Variants in RFTN1 observed in about 807,000 individuals in gnomAD.
RFTN1 encodes raftlin.
A neutral mutation model predicts 46.5 loss-of-function variants in RFTN1; 26 were observed. The observed-to-expected ratio is 0.56, with a 90% CI of 0.41 to 0.78. RFTN1 has a LOEUF of 0.78. Ranked by LOEUF, RFTN1 falls within the 30% of genes least tolerant of loss-of-function variation. RFTN1 has a pLI of 0.00. For missense variants in RFTN1, 693 were observed against 718.7 expected (o/e 0.96, Z 0.41); for synonymous variants, 261 against 284.2 (o/e 0.92, Z 0.82).
rs2074005072 is a variant in RFTN1, at chr3:16,381,853, C to T, written c.442-3751G>A. ...ACATATGGCCTTGGATCCATGCCCG[C>T]AAAGGCTCTCAGTTCACCCTGCAGG... On this transcript the variant is annotated intron_variant, in intron 4 of 9. Coordinates refer to ENST00000334133, the MANE Select transcript of RFTN1 (RefSeq NM_015150.2). This position sits in a 1 kb window ranked among gnomAD's most constrained non-coding sequence, Gnocchi z 4.2. Among the ~76,000 whole-genome samples the T allele has an allele frequency of 6.6e-6, 1 of 152,122 alleles. No individual in the cohort carries two copies. The highest frequency in any genetic ancestry group is 2.4e-5 in the African/African-American group (1 of 41,422).
rs2073976493 is a variant in RFTN1 at position 16,381,073 on chromosome 3, C to T, written c.442-2971G>A. On this transcript the variant is annotated intron_variant, in intron 4 of 9. Coordinates refer to ENST00000334133, the MANE Select transcript of RFTN1 (RefSeq NM_015150.2). This position sits in a 1 kb window ranked among gnomAD's most constrained non-coding sequence, Gnocchi z 4.2. ...AGAAGATTTGACCAATTATTACGAACAGAGTTTAAAAATAATTACACTATC... is the reference window on the plus strand; with the variant it reads ...AGAAGATTTGACCAATTATTACGAATAGAGTTTAAAAATAATTACACTATC... Among the ~76,000 whole-genome samples the T allele has an allele frequency of 6.6e-6, 1 of 152,134 alleles. No individual in the cohort carries two copies. The highest frequency in any genetic ancestry group is 1.5e-5 in the Non-Finnish European group (1 of 68,034).
At chr3:16,503,557 C>T (rs1002238279) in intron 1 of RFTN1, among the ~76,000 whole-genome samples, 9 of 152,170 alleles carry the variant, frequency 5.9e-5, no homozygotes, top group African/African-American at 2.2e-4. Context: ...AGTCTTTTCC[C>T]ACTCCTAGCC....
Position 16,409,436 on chromosome 3 carries a change from T to G in RFTN1, c.380A>C (p.Asp127Ala). Residue 127 changes from aspartate to alanine, a missense_variant, in exon 4 of 10, where the codon GAT becomes GCT. Asp to Ala is a moderately radical substitution (Grantham distance 126). Transcript: ENST00000334133. Reference protein sequence around the residue: ...LHNEGYILELDCCSSLDHPTD... With the variant: ...LHNEGYILELACCSSLDHPTD... ...CGGGTGGTCTAAGGAGGAACAGCAATCTAATTCCAAGATGTAGCCTTCATT... is the reference window on the plus strand; with the variant it reads ...CGGGTGGTCTAAGGAGGAACAGCAAGCTAATTCCAAGATGTAGCCTTCATT... 3 of 1,613,836 alleles carry G rather than the reference T, an allele frequency of 1.9e-6. No homozygotes were observed.
intron 6 of RFTN1, among the ~76,000 whole-genome samples, chr3:16,365,431 T>C (rs1246039040): frequency 6.6e-6 from 1 of 152,220 alleles, no homozygotes; most frequent in Non-Finnish European, 1.5e-5. Flanking sequence ...GTATAAAATA[T>C]ATACCCCACA....
At position 16,483,290 on chromosome 3, in the gene RFTN1, T is replaced by C. The variant is rs539253647; in HGVS notation, c.145+10435A>G. ...CTCCTGTAATGCAAATAAGTACTCA[T>C]CCCCTCCAATTCTCTTCCTTCCTTT... On this transcript the variant is annotated intron_variant, in intron 2 of 9. Coordinates refer to ENST00000334133, the MANE Select transcript of RFTN1 (RefSeq NM_015150.2). The surrounding 1 kb of genome is among the most constrained non-coding windows in gnomAD (Gnocchi z 4.8). 3.3e-5 allele frequency among the ~76,000 whole-genome samples: 5 copies of C among 152,270 alleles called. No homozygotes were observed. Among genetic ancestry groups the C allele is most frequent in the African/African-American group, 1.2e-4 (5 of 41,544 alleles).
intron 7 of RFTN1, among the ~76,000 whole-genome samples, chr3:16,328,260 T>C (rs979985279): frequency 6.6e-6 from 1 of 152,190 alleles, no homozygotes; most frequent in Admixed American, 6.5e-5. Flanking sequence ...AAGGCAAAGC[T>C]GGGCCTAGAG....
rs922525690 is a variant in RFTN1 at position 16,498,836 on chromosome 3, T to C, written c.-8-4959A>G. Reference sequence around the variant, plus strand: ...CATTTCAAAAATGTCTATACCATGCTCAAAACAAGTCAGAAAAATCTAGCT... The same window carrying C: ...CATTTCAAAAATGTCTATACCATGCCCAAAACAAGTCAGAAAAATCTAGCT... On this transcript the variant is annotated intron_variant, in intron 1 of 9. Coordinates refer to ENST00000334133, the MANE Select transcript of RFTN1 (RefSeq NM_015150.2). This position sits in a 1 kb window ranked among gnomAD's most constrained non-coding sequence, Gnocchi z 5.2. Among the ~76,000 whole-genome samples the C allele has an allele frequency of 1.3e-5, 2 of 152,148 alleles. No individual in the cohort carries two copies. Among genetic ancestry groups the C allele is most frequent in the Non-Finnish European group, 2.9e-5 (2 of 68,030 alleles).
rs1165564472 is a variant in RFTN1 at position 16,407,134 on chromosome 3, C to A, written c.441+2241G>T. On this transcript the variant is annotated intron_variant, in intron 4 of 9. Transcript: ENST00000334133. The surrounding 1 kb of genome is among the most constrained non-coding windows in gnomAD (Gnocchi z 4.0). ...GGACCACTGCAATGGGTCAGCCATG[C>A]AATAACCTAATTTGGTTAAGACAAA... is the stretch of plus-strand genomic sequence containing the variant. Among the ~76,000 whole-genome samples, 1 of 152,134 alleles carries A rather than the reference C, an allele frequency of 6.6e-6. No individual in the cohort carries two copies. Among genetic ancestry groups the A allele is most frequent in the Non-Finnish European group, 1.5e-5 (1 of 68,022 alleles).
intron 2 of RFTN1, among the ~76,000 whole-genome samples, chr3:16,477,945 T>G (rs1482208807): frequency 6.6e-6 from 1 of 152,204 alleles, no homozygotes; most frequent in Non-Finnish European, 1.5e-5. Context: ...TAGAAAAACA[T>G]GCTAAGCATG....
chr3:16,414,087 A>G (rs1347389215), intron 3 of RFTN1, among the ~76,000 whole-genome samples: 1 of 152,168 alleles, frequency 6.6e-6, no homozygotes, highest in Admixed American at 6.5e-5. Flanking sequence ...TTTCCTTCCT[A>G]GCACTTTTCA....
intron 2 of RFTN1, among the ~76,000 whole-genome samples, chr3:16,444,025 G>A (rs912479346): frequency 5.3e-5 from 8 of 152,134 alleles, no homozygotes; most frequent in Non-Finnish European, 1.0e-4. Flanking sequence ...ACTAGATATG[G>A]AACCTGGAGT....
Position 16,317,344 on chromosome 3 carries a change from C to G in RFTN1, c.1333-112G>C. 1 of 1,093,980 alleles carries G rather than the reference C, an allele frequency of 9.1e-7. No homozygotes were observed. The highest frequency in any genetic ancestry group is 1.3e-6 in the Non-Finnish European group (1 of 761,270). 67.8% of individuals were successfully genotyped at this position (1,093,980 alleles called of 1,614,324 possible). On this transcript the variant is annotated intron_variant, in intron 9 of 9. Coordinates refer to ENST00000334133, the MANE Select transcript of RFTN1 (RefSeq NM_015150.2). This position sits in a 1 kb window ranked among gnomAD's most constrained non-coding sequence, Gnocchi z 4.3. ...CCATGTCTGAGTGAGACATACAATT[C>G]CCAGCATCCCCCAGCCAGGCAGTAC...
Position 16,400,203 on chromosome 3 carries a change from CCT to C in RFTN1, c.441+9170_441+9171del, listed in dbSNP as rs1294273136. Among the ~76,000 whole-genome samples the C allele has an allele frequency of 6.6e-6, 1 of 152,228 alleles. No homozygotes were observed. The highest frequency in any genetic ancestry group is 1.5e-5 in the Non-Finnish European group (1 of 68,044). On this transcript the variant is annotated intron_variant, in intron 4 of 9. Coordinates refer to ENST00000334133, the MANE Select transcript of RFTN1 (RefSeq NM_015150.2). The surrounding 1 kb of genome is among the most constrained non-coding windows in gnomAD (Gnocchi z 4.5). ...CCAGCCTCACTCCACCTCACTCACC[CCT>C]CTGTCATTTGCAGGCAAGACAGTGA...
Position 16,377,982 on chromosome 3 carries a change from T to C in RFTN1, c.562A>G (p.Arg188Gly). Residue 188 changes from arginine (R) to glycine (G), a missense_variant, in exon 5 of 10, where the codon AGA becomes GGA. Coordinates refer to ENST00000334133, the MANE Select transcript of RFTN1 (RefSeq NM_015150.2). The part of the protein sequence containing the change: ...VSTANSTEDA[R>G]DAKNARGDHA... ...TCCCCACGTGCGTTTTTTGCATCTC[T>C]GGCATCCTCGGTGCTGTTGGCAGTA... 4 of 1,614,252 alleles carry C rather than the reference T, an allele frequency of 2.5e-6. No individual in the cohort carries two copies. Among genetic ancestry groups the C allele is most frequent in the Admixed American group, 1.7e-5 (1 of 60,032 alleles).
chr3:16,433,036 A>C lies in RFTN1; in HGVS notation c.332+815T>G, dbSNP rs1187907658. Among the ~76,000 whole-genome samples the C allele has an allele frequency of 6.6e-6, 1 of 152,340 alleles. No homozygotes were observed. The highest frequency in any genetic ancestry group is 1.9e-4 in the East Asian group (1 of 5,194). On this transcript the variant is annotated intron_variant, in intron 3 of 9. Transcript: ENST00000334133. The surrounding 1 kb of genome is among the most constrained non-coding windows in gnomAD (Gnocchi z 4.4). ...GGAGCTGCTCTGTACTCCCTTTTTA[A>C]AATGTGGCACATGCTGTCATTCCTT...
At position 16,449,951 on chromosome 3, in the gene RFTN1, G is replaced by A. The variant is rs892698500; in HGVS notation, c.146-15914C>T. 6.6e-6 allele frequency among the ~76,000 whole-genome samples: 1 copy of A among 152,204 alleles called. No homozygotes were observed. The highest frequency in any genetic ancestry group is 2.4e-5 in the African/African-American group (1 of 41,438). On this transcript the variant is annotated intron_variant, in intron 2 of 9. Coordinates refer to ENST00000334133, the MANE Select transcript of RFTN1 (RefSeq NM_015150.2). This position sits in a 1 kb window ranked among gnomAD's most constrained non-coding sequence, Gnocchi z 5.1. ...TAGAAGTGACCAGGAAGCAGCAGGAGGAGGGCTGCAGGAGGCCCCAGGGAG... is the reference window on the plus strand; with the variant it reads ...TAGAAGTGACCAGGAAGCAGCAGGAAGAGGGCTGCAGGAGGCCCCAGGGAG...
chr3:16,445,350 C>A (rs866793643), intron 2 of RFTN1, among the ~76,000 whole-genome samples: 1 of 151,984 alleles, frequency 6.6e-6, no homozygotes, highest in African/African-American at 2.4e-5. Flanking sequence ...CTTTCTTTAT[C>A]CACACCGTCT....
chr3:16,316,625 G>T lies in RFTN1; in HGVS notation c.*203C>A, dbSNP rs1559793848. ...TGCATTCTAACACTGGGTCATTAAT[G>T]ACACCTTTCCAGTGGATGTGCAAAA... On this transcript the variant is annotated 3_prime_UTR_variant, in exon 10 of 10. Transcript: ENST00000334133. The surrounding 1 kb of genome is among the most constrained non-coding windows in gnomAD (Gnocchi z 4.5). The T allele has an allele frequency of 1.5e-6, 1 of 666,184 alleles. No homozygotes were observed. Among genetic ancestry groups the T allele is most frequent in the Non-Finnish European group, 2.7e-6 (1 of 376,316 alleles). The allele number at this position is 666,184 out of a possible 1,614,324, so 41.3% of individuals were successfully genotyped here.
intron 3 of RFTN1, among the ~76,000 whole-genome samples, chr3:16,431,033 A>G (rs1353265333): frequency 6.6e-6 from 1 of 152,200 alleles, no homozygotes; most frequent in Non-Finnish European, 1.5e-5. Context: ...ATCTTGTCCC[A>G]TCAGATAACT....
Sources: allele counts gnomAD v4.1 joint callset (sites outside exome capture counted in the v4.1 genomes callset), GRCh38; gene constraint gnomAD v4.1.1; non-coding constraint Gnocchi (gnomAD v3.1); transcripts MANE v1.5; gene names NCBI Gene and HGNC (gene_info 2026-07-23, HGNC 2026-07-21).